Variants in BTBD7 observed in about 807,000 individuals in gnomAD.
The protein encoded by BTBD7 is BTB/POZ domain-containing protein 7.
A neutral mutation model predicts 99.9 loss-of-function variants in BTBD7; 38 were observed. The ratio of observed to expected loss-of-function variants is 0.38; its 90% CI spans 0.29 to 0.50. The LOEUF is 0.50. Ranked by LOEUF, BTBD7 falls within the 20% of genes least tolerant of loss-of-function variation. BTBD7 has a pLI of 0.93. For synonymous variants in BTBD7, 520 were observed against 511.4 expected (o/e 1.02, Z -0.23); for missense variants, 1,170 against 1,394.6 (o/e 0.84, Z 2.57).
intron 10 of BTBD7, among the ~76,000 whole-genome samples, chr14:93,243,403 C>T (rs2052262329): frequency 6.6e-6 from 1 of 152,058 alleles, no homozygotes; most frequent in East Asian, 1.9e-4. Flanking sequence ...ATGTGTTAGC[C>T]AGGATGGTCT....
intron 3 of BTBD7, among the ~76,000 whole-genome samples, chr14:93,284,058 C>T (rs2052751186): frequency 7.1e-6 from 1 of 140,640 alleles, no homozygotes; most frequent in African/African-American, 3.1e-5. Context: ...AAATTTAATT[C>T]TCATTACTAT....
At chr14:93,290,398 G>A (rs556879987) in intron 3 of BTBD7, among the ~76,000 whole-genome samples, 3 of 148,640 alleles carry the variant, frequency 2.0e-5, no homozygotes, top group South Asian at 4.4e-4. Context: ...ATTTTTAGTA[G>A]AGACGGGGTT....
chr14:93,276,133 T>C (rs1317031014), intron 3 of BTBD7, among the ~76,000 whole-genome samples: 1 of 152,164 alleles, frequency 6.6e-6, no homozygotes, highest in Non-Finnish European at 1.5e-5. Context: ...GGAGAATTGA[T>C]TGAGCTTGGG....
rs534771511 is a variant in BTBD7 at position 93,306,908 on chromosome 14, G to A, written c.-106-10751C>T. Among the ~76,000 whole-genome samples the A allele has an allele frequency of 4.6e-5, 7 of 152,206 alleles. No individual in the cohort carries two copies. The South Asian group carries it at 8.3e-4, about 18-fold the overall frequency. On this transcript the variant is annotated intron_variant, in intron 1 of 10. Transcript: ENST00000334746. ...CTTAAAACTCAGATTCTCTTTATCA[G>A]TTGTCTCATTCTGTCTTCCCTGAAC... is the stretch of plus-strand genomic sequence containing the variant.
At chr14:93,265,922 G>A (rs764067888) in intron 3 of BTBD7, among the ~76,000 whole-genome samples, 2 of 152,054 alleles carry the variant, frequency 1.3e-5, no homozygotes, top group Non-Finnish European at 2.9e-5. Context: ...ACTCTGTCTC[G>A]AAACAAACAA....
intron 4 of BTBD7, among the ~76,000 whole-genome samples, chr14:93,262,371 G>A (rs1595295350): frequency 6.6e-6 from 1 of 152,054 alleles, no homozygotes; most frequent in African/African-American, 2.4e-5. Flanking sequence ...CTGACCTCGT[G>A]ATCCGCCTGC....
chr14:93,320,595 A>AGAATTACAGCT (rs1263705656), intron 1 of BTBD7, among the ~76,000 whole-genome samples: 3 of 147,300 alleles, frequency 2.0e-5, no homozygotes, highest in Non-Finnish European at 4.4e-5. Flanking sequence ...GAATTACAGC[A>AGAATTACAGCT]GAATTACAGC....
rs1438410480 is a variant in BTBD7, at chr14:93,300,772, G to GTGTA, written c.-106-4616_-106-4615insTACA. Among the ~76,000 whole-genome samples, 300 of 67,684 alleles carry GTGTA rather than the reference G, an allele frequency of 4.4e-3. 1 individual carries two copies. The highest frequency in any genetic ancestry group is 9.1e-3 in the Middle Eastern group (1 of 110). 44.4% of individuals were successfully genotyped at this position (67,684 alleles called of 152,430 possible). A position where few individuals can be genotyped will look rare whatever the true frequency, so the allele number is the denominator to read the frequency against. On this transcript the variant is annotated intron_variant, in intron 1 of 10. Coordinates refer to ENST00000334746, the MANE Select transcript of BTBD7 (RefSeq NM_001002860.4). ...TGTGTGTGTGTGTGTGTGTGTGTGT[G>GTGTA]TATATATATATATATTTTTTTTTTG...
chr14:93,296,874 T>C (rs1250238548), intron 1 of BTBD7, among the ~76,000 whole-genome samples: 1 of 152,222 alleles, frequency 6.6e-6, no homozygotes, highest in African/African-American at 2.4e-5. Flanking sequence ...CAATAAAAGG[T>C]AATTCTAACA....
At chr14:93,273,793 GCA>G (rs947329222) in intron 3 of BTBD7, among the ~76,000 whole-genome samples, 3 of 152,162 alleles carry the variant, frequency 2.0e-5, no homozygotes, top group Non-Finnish European at 4.4e-5. Context: ...CATGTTCCCA[GCA>G]CAGTCTGATT....
intron 3 of BTBD7, among the ~76,000 whole-genome samples, chr14:93,264,540 A>T (rs2052521818): frequency 6.6e-6 from 1 of 152,204 alleles, no homozygotes; most frequent in African/African-American, 2.4e-5. Context: ...TTGAAAAAGT[A>T]AGTGAAGAGG....
At chr14:93,269,007 C>T (rs1319073231) in intron 3 of BTBD7, among the ~76,000 whole-genome samples, 2 of 152,126 alleles carry the variant, frequency 1.3e-5, no homozygotes, top group Non-Finnish European at 2.9e-5. Context: ...GATCCGCCCG[C>T]CTCGGCCACC....
chr14:93,275,222 C>T (rs181786591), intron 3 of BTBD7, among the ~76,000 whole-genome samples: 3 of 152,252 alleles, frequency 2.0e-5, no homozygotes, highest in Admixed American at 2.0e-4. Context: ...ACATTTATGG[C>T]CACCTTAGTA....
intron 7 of BTBD7, among the ~76,000 whole-genome samples, chr14:93,252,032 G>A (rs11622158): frequency 0.15 from 23,163 of 152,090 alleles, 2,208 homozygotes; most frequent in East Asian, 0.31. Flanking sequence ...AATCAGGGCC[G>A]GGCGTGGTGA....
At chr14:93,249,266 C>CAAAAAAAAAAAAAAA in intron 8 of BTBD7, among the ~76,000 whole-genome samples, 1 of 25,942 alleles carries the variant, frequency 3.9e-5, no homozygotes, top group Non-Finnish European at 8.2e-5. Context: ...ACCAGATAGG[C>CAAAAAAAAAAAAAAA]AAAAAAAAAA....
At chr14:93,325,106 ATTTTTTT>A (rs34523849) in intron 1 of BTBD7, among the ~76,000 whole-genome samples, 14 of 105,562 alleles carry the variant, frequency 1.3e-4, no homozygotes, top group Admixed American at 3.4e-4. Flanking sequence ...GCATGCTCCA[ATTTTTTT>A]TTTTTTTTTT....
chr14:93,329,873 G>T (rs2053381068), intron 1 of BTBD7, among the ~76,000 whole-genome samples: 1 of 152,182 alleles, frequency 6.6e-6, no homozygotes. Context: ...ACAGATGGAT[G>T]GTGGTGATGG....
Position 93,300,028 on chromosome 14 carries a change from A to G in BTBD7, c.-106-3871T>C, listed in dbSNP as rs528519554. Among the ~76,000 whole-genome samples, 3 of 152,260 alleles carry G rather than the reference A, an allele frequency of 2.0e-5. No homozygotes were observed. The East Asian group carries it at 5.8e-4, about 29-fold the overall frequency. On this transcript the variant is annotated intron_variant, in intron 1 of 10. Transcript: ENST00000334746. ...GATCTTTGCCATAAAAACACTTTTT[A>G]TTGCTTCATGCAATAGAAAGAACTG...
At chr14:93,275,905 C>A (rs571912765) in intron 3 of BTBD7, among the ~76,000 whole-genome samples, 2 of 152,284 alleles carry the variant, frequency 1.3e-5, no homozygotes, top group Non-Finnish European at 2.9e-5. Context: ...ACGTATCTTT[C>A]AAGTCTCTGT....
Sources: gnomAD v4.1 joint callset for allele counts (sites outside exome capture counted in the v4.1 genomes callset) on GRCh38, gnomAD v4.1.1 for gene constraint, MANE v1.5 for transcripts, NCBI Gene and HGNC (gene_info 2026-07-23, HGNC 2026-07-21) for gene names.